The following NAV1 variants were observed in gnomAD, a reference collection of about 807,000 sequenced individuals.
NAV1 encodes neuron navigator 1, also known as pore membrane and/or filament interacting like protein 3.
In NAV1, 18 loss-of-function variants were observed where a neutral mutation model predicts 175.2. That is an observed-to-expected ratio of 0.10 (90% CI 0.07 to 0.15). NAV1 has a LOEUF of 0.15. Among genes scored for constraint, NAV1 ranks in the 10% least tolerant of loss-of-function variants. The pLI, the probability that NAV1 is intolerant of heterozygous loss-of-function variation, is 1.00. For synonymous variants in NAV1, 897 were observed against 978.7 expected (o/e 0.92, Z 1.56); for missense variants, 1,731 against 2,436.6 (o/e 0.71, Z 6.10).
chr1:201,754,080 C>T (rs996795050), intron 3 of NAV1, among the ~76,000 whole-genome samples: 4 of 152,122 alleles, frequency 2.6e-5, no homozygotes, highest in African/African-American at 9.7e-5. Flanking sequence ...GCCACAGACC[C>T]TAAGATTCTC....
chr1:201,633,258 T>C (rs1668528404), intron 2 of NAV1, among the ~76,000 whole-genome samples: 1 of 152,222 alleles, frequency 6.6e-6, no homozygotes, highest in Admixed American at 6.5e-5. Context: ...CTATCACTTA[T>C]TGAATACCCT....
At chr1:201,730,997 G>A (rs1017452190) in intron 3 of NAV1, among the ~76,000 whole-genome samples, 2 of 152,104 alleles carry the variant, frequency 1.3e-5, no homozygotes, top group African/African-American at 4.8e-5. Flanking sequence ...TCAGTGTGAC[G>A]ATGGAACAAG....
intron 1 of NAV1, among the ~76,000 whole-genome samples, chr1:201,689,078 C>A (rs1044755120): frequency 3.3e-5 from 5 of 152,194 alleles, no homozygotes; most frequent in African/African-American, 1.2e-4. Context: ...AGCACACACC[C>A]TGGAAGAACA....
At chr1:201,794,407 C>A (rs1014536475) in intron 14 of NAV1, 59 bp from the exon 19 acceptor site, 4 of 1,504,830 alleles carry the variant, frequency 2.7e-6, no homozygotes, top group Non-Finnish European at 3.6e-6. Context: ...TCCCAAAGTG[C>A]TGGGATTATA....
intron 2 of NAV1, among the ~76,000 whole-genome samples, chr1:201,713,930 A>G (rs1054559340): frequency 6.6e-6 from 1 of 152,040 alleles, no homozygotes; most frequent in Admixed American, 6.6e-5. Flanking sequence ...ATGACAAAGA[A>G]CTCATTACCT....
intron 3 of NAV1, among the ~76,000 whole-genome samples, chr1:201,755,493 A>G (rs770367073): frequency 4.6e-5 from 7 of 152,098 alleles, no homozygotes; most frequent in South Asian, 2.1e-4. Context: ...GGAAGAAGAT[A>G]TACTTATTTT....
At chr1:201,623,862 G>A (rs1261203955) in intron 1 of NAV1, among the ~76,000 whole-genome samples, 1 of 152,182 alleles carries the variant, frequency 6.6e-6, no homozygotes, top group East Asian at 1.9e-4. Context: ...ACAACAAAAA[G>A]AGTCTCATAA....
chr1:201,804,108 G>C (rs1420758965), intron 16 of NAV1: 1 of 446,022 alleles, frequency 2.2e-6, no homozygotes, highest in Middle Eastern at 3.2e-4. Context: ...GACTCCTGGA[G>C]GTCATTTCTT....
chr1:201,646,285 CT>C (rs1467561270), upstream of NAV1, among the ~76,000 whole-genome samples: 2 of 152,234 alleles, frequency 1.3e-5, no homozygotes, highest in Non-Finnish European at 2.9e-5. Context: ...ACATAAGCCT[CT>C]GAAGCCAATC....
chr1:201,776,753 G>A (rs148894366), intron 3 of NAV1, among the ~76,000 whole-genome samples: 7 of 151,766 alleles, frequency 4.6e-5, no homozygotes, highest in African/African-American at 1.4e-4. Context: ...CTAGAAGAGA[G>A]AACTGAAAAA....
intron 1 of NAV1, among the ~76,000 whole-genome samples, chr1:201,557,629 C>G (rs1182943502): frequency 6.6e-6 from 1 of 152,210 alleles, no homozygotes; most frequent in African/African-American, 2.4e-5. Flanking sequence ...TCCTGATCTT[C>G]CCAGTTTTCA....
Position 201,808,632 on chromosome 1 carries a change from T to G in NAV1, c.4038+22T>G. On this transcript the variant is annotated intron_variant, in intron 19 of 29. Transcript: ENST00000367296. The surrounding 1 kb of genome is among the most constrained non-coding windows in gnomAD (Gnocchi z 5.5). ...GCAGGTCAGTGTCTGGGCGGACAGC[T>G]GCAGGAAAGGGAAGACCAAGGCTTG... is the stretch of plus-strand genomic sequence containing the variant. The G allele has an allele frequency of 6.2e-7, 1 of 1,614,236 alleles. No homozygotes were observed. Among genetic ancestry groups the G allele is most frequent in the Non-Finnish European group, 8.5e-7 (1 of 1,180,036 alleles).
At chr1:201,608,835 G>C (rs1226281018) in intron 2 of NAV1, among the ~76,000 whole-genome samples, 3 of 152,212 alleles carry the variant, frequency 2.0e-5, no homozygotes, top group Admixed American at 2.0e-4. Flanking sequence ...CTGCTGCCGA[G>C]ATCAGGGAGT....
chr1:201,769,005 A>G (rs1229930763), intron 3 of NAV1, among the ~76,000 whole-genome samples: 1 of 152,198 alleles, frequency 6.6e-6, no homozygotes, highest in Non-Finnish European at 1.5e-5. Context: ...CTAGCCAATA[A>G]GGTTAGCCTC....
intron 2 of NAV1, among the ~76,000 whole-genome samples, chr1:201,608,636 C>G (rs191474213): frequency 6.6e-6 from 1 of 152,240 alleles, no homozygotes; most frequent in Non-Finnish European, 1.5e-5. Context: ...ACCTGTCAGC[C>G]TCCTGGTGTC....
chr1:201,606,870 C>T (rs1287033665), intron 2 of NAV1, among the ~76,000 whole-genome samples: 3 of 152,190 alleles, frequency 2.0e-5, no homozygotes, highest in Non-Finnish European at 2.9e-5. Context: ...TACCCTTAGA[C>T]ACTATTGGAG....
chr1:201,554,319 C>A (rs1253090106), intron 1 of NAV1, among the ~76,000 whole-genome samples: 1 of 152,156 alleles, frequency 6.6e-6, no homozygotes, highest in Non-Finnish European at 1.5e-5. Context: ...CATGATGAAG[C>A]TGTTTTACCA....
At chr1:201,783,841 G>A in exon 7 of NAV1, 1 of 1,610,362 alleles carries the variant, frequency 6.2e-7, no homozygotes, top group Non-Finnish European at 8.5e-7. Flanking sequence ...CCAGAGCTGG[G>A]CAACTGGACA....
At position 201,811,592 on chromosome 1, in the gene NAV1, T is replaced by C. The variant is rs780948716; in HGVS notation, c.4798-11T>C. The C allele has an allele frequency of 1.9e-6, 3 of 1,614,078 alleles. No homozygotes were observed. The highest frequency in any genetic ancestry group is 2.5e-6 in the Non-Finnish European group (3 of 1,179,988). ...TCCCAAGTGCTGACCCACAGCCTTCTTTTATTCCAGGATCTGCAACTGTAT... is the reference window on the plus strand; with the variant it reads ...TCCCAAGTGCTGACCCACAGCCTTCCTTTATTCCAGGATCTGCAACTGTAT... On this transcript the variant is annotated splice_polypyrimidine_tract_variant and intron_variant, in intron 24 of 29. Transcript: ENST00000367296.
Sources: gnomAD v4.1 joint callset for allele counts (sites outside exome capture counted in the v4.1 genomes callset) on GRCh38, gnomAD v4.1.1 for gene constraint, Gnocchi (gnomAD v3.1) non-coding constraint, MANE v1.5 for transcripts, NCBI Gene and HGNC (gene_info 2026-07-23, HGNC 2026-07-21) for gene names.